KIZ: variants seen among roughly 807,000 people sequenced by gnomAD.
The protein encoded by KIZ is kizuna centrosomal protein.
In KIZ, 68 loss-of-function variants were observed where a neutral mutation model predicts 79.6. That is an observed-to-expected ratio of 0.85 (90% CI 0.70 to 1.05). The LOEUF (loss-of-function observed/expected upper bound fraction) is 1.05. Ranked by LOEUF, KIZ falls within the 50% of genes least tolerant of loss-of-function variation. The pLI, the probability that KIZ is intolerant of heterozygous loss-of-function variation, is 0.00. For synonymous variants in KIZ, 280 were observed against 281.8 expected, an observed-to-expected ratio of 0.99 and a Z score of 0.06; for missense variants, 797 against 800.4, an observed-to-expected ratio of 1.00 and a Z score of 0.05.
chr20:21,244,281 A>G lies in KIZ; in HGVS notation c.1917A>G (p.Lys639=). ...ENKKKPVINL[K]SNALWDESDD... is the part of the protein sequence containing the mutation. ...AAAAGAAACCCGTGATCAATTTAAA[A>G]TCTAATGGTGAGAGAGATAATCGGA... The change falls in exon 12 of 13, where the codon AAA becomes AAG. Residue 639 remains lysine (K), a synonymous_variant. Coordinates refer to ENST00000619189, the MANE Select transcript of KIZ (RefSeq NM_018474.6). 1 of 1,597,452 alleles carries G rather than the reference A, an allele frequency of 6.3e-7. No individual in the cohort carries two copies. Among genetic ancestry groups the G allele is most frequent in the Non-Finnish European group, 8.6e-7 (1 of 1,165,370 alleles).
At chr20:21,167,241 C>T (rs893304907) in intron 6 of KIZ, among the ~76,000 whole-genome samples, 1 of 152,198 alleles carries the variant, frequency 6.6e-6, no homozygotes, top group African/African-American at 2.4e-5. Flanking sequence ...ATTCATACAA[C>T]TCAGTTGAAG....
intron 4 of KIZ, among the ~76,000 whole-genome samples, chr20:21,156,170 C>T (rs574001386): frequency 6.6e-6 from 1 of 152,250 alleles, no homozygotes; most frequent in Non-Finnish European, 1.5e-5. Context: ...TAGTTTCCAC[C>T]ATTGTTACCA....
chr20:21,163,464 A>G (rs1332916772), intron 6 of KIZ, among the ~76,000 whole-genome samples: 3 of 152,112 alleles, frequency 2.0e-5, no homozygotes, highest in Admixed American at 6.6e-5. Flanking sequence ...TCATTCCCCA[A>G]CCCCCTACTC....
intron 6 of KIZ, among the ~76,000 whole-genome samples, chr20:21,182,758 C>T (rs1288321153): frequency 1.3e-5 from 2 of 148,816 alleles, no homozygotes; most frequent in African/African-American, 2.5e-5. Context: ...GATTGTGCCA[C>T]TGCACTCCAG....
intron 11 of KIZ, among the ~76,000 whole-genome samples, chr20:21,240,416 G>A (rs114456549): frequency 0.011 from 1,622 of 152,292 alleles, 22 homozygotes; most frequent in African/African-American, 0.037. Context: ...ACACCCAGCC[G>A]ATTGTCCCAT....
intron 12 of KIZ, chr20:21,244,510 G>T (rs2123534711): frequency 5.5e-6 from 3 of 541,162 alleles, no homozygotes; most frequent in Non-Finnish European, 3.3e-6. Flanking sequence ...GCAGAGCATT[G>T]TAATTTGCAA....
chr20:21,206,777 G>A (rs543507786), intron 7 of KIZ, among the ~76,000 whole-genome samples: 1 of 152,338 alleles, frequency 6.6e-6, no homozygotes, highest in Admixed American at 6.5e-5. Context: ...GACATTGAAG[G>A]AGGGAGCCCT....
chr20:21,183,512 C>T (rs769940738), intron 6 of KIZ, among the ~76,000 whole-genome samples: 9 of 152,342 alleles, frequency 5.9e-5, no homozygotes, highest in Non-Finnish European at 8.8e-5. Context: ...TGGCTAGCTT[C>T]ACGGCTTTCA....
intron 4 of KIZ, among the ~76,000 whole-genome samples, chr20:21,156,454 G>T (rs2033386239): frequency 6.6e-6 from 1 of 152,192 alleles, no homozygotes; most frequent in Admixed American, 6.6e-5. Context: ...TAACATTGTA[G>T]TGTAATGCAT....
intron 4 of KIZ, among the ~76,000 whole-genome samples, chr20:21,149,496 A>G (rs1010996321): frequency 6.6e-6 from 1 of 152,220 alleles, no homozygotes; most frequent in Non-Finnish European, 1.5e-5. Context: ...AAGAACTTGA[A>G]GGGAGAAAGC....
At chr20:21,163,807 T>C (rs944830580) in intron 6 of KIZ, among the ~76,000 whole-genome samples, 6 of 152,220 alleles carry the variant, frequency 3.9e-5, no homozygotes, top group Non-Finnish European at 8.8e-5. Flanking sequence ...GTGCTACTGA[T>C]TGGAGACGCT....
chr20:21,224,354 C>T (rs1304684609), intron 9 of KIZ, among the ~76,000 whole-genome samples: 1 of 152,200 alleles, frequency 6.6e-6, no homozygotes, highest in Non-Finnish European at 1.5e-5. Flanking sequence ...TTTGAAGTAA[C>T]TTAAGAAATA....
At chr20:21,236,179 AGGCAGCT>A (rs2037000509) in intron 11 of KIZ, among the ~76,000 whole-genome samples, 1 of 152,236 alleles carries the variant, frequency 6.6e-6, no homozygotes. Flanking sequence ...AGTTGACCTC[AGGCAGCT>A]GAAAGTGGCA....
intron 3 of KIZ, chr20:21,139,103 T>G (rs1281354685): frequency 6.7e-6 from 1 of 149,872 alleles, no homozygotes; most frequent in African/African-American, 2.5e-5. Context: ...AATGTTATGA[T>G]GGACTTGTGA....
intron 11 of KIZ, among the ~76,000 whole-genome samples, chr20:21,239,762 A>G (rs1351005992): frequency 3.9e-5 from 6 of 152,180 alleles, no homozygotes. Flanking sequence ...TAGAGTGTTC[A>G]CTGTGTGCCA....
intron 3 of KIZ, among the ~76,000 whole-genome samples, chr20:21,137,837 C>T (rs1421552216): frequency 1.3e-5 from 2 of 152,132 alleles, no homozygotes; most frequent in Non-Finnish European, 2.9e-5. Flanking sequence ...AGTGCAATGG[C>T]GTGATCATGG....
At chr20:21,219,853 A>G (rs181644915) in intron 9 of KIZ, among the ~76,000 whole-genome samples, 20 of 152,136 alleles carry the variant, frequency 1.3e-4, no homozygotes, top group Non-Finnish European at 1.8e-4. Flanking sequence ...TGCTTTGCTA[A>G]TCGTTATTAT....
chr20:21,232,881 A>C, intron 11 of KIZ, 51 bp downstream of exon 11: 5 of 790,404 alleles, frequency 6.3e-6, no homozygotes, highest in Non-Finnish European at 8.9e-6. Flanking sequence ...GAGAAATGTC[A>C]CAGCGCAATG....
intron 6 of KIZ, among the ~76,000 whole-genome samples, chr20:21,174,198 A>G (rs2034340158): frequency 6.6e-6 from 1 of 152,238 alleles, no homozygotes; most frequent in Admixed American, 6.5e-5. Context: ...CCACCACCCA[A>G]ATCACAACCA....
Sources: gnomAD v4.1 joint callset for allele counts (sites outside exome capture counted in the v4.1 genomes callset) on GRCh38, gnomAD v4.1.1 for gene constraint, MANE v1.5 for transcripts, NCBI Gene and HGNC (gene_info 2026-07-23, HGNC 2026-07-21) for gene names.